POLB: variants seen among roughly 807,000 people sequenced by gnomAD.
The protein encoded by POLB is DNA polymerase beta.
In POLB, 37 loss-of-function variants were observed where a neutral mutation model predicts 52.7. The ratio of observed to expected loss-of-function variants is 0.70; its 90% CI spans 0.54 to 0.92. POLB has a LOEUF of 0.92. Among genes scored for constraint, POLB ranks in the 40% least tolerant of loss-of-function variants. The pLI, the probability that POLB is intolerant of heterozygous loss-of-function variation, is 0.00. For synonymous variants in POLB, 138 were observed against 131.3 expected, an observed-to-expected ratio of 1.05 and a Z score of -0.35; for missense variants, 313 against 400.8, an observed-to-expected ratio of 0.78 and a Z score of 1.87.
In POLB at chr8:42,345,022, A is replaced by G; in HGVS notation, c.186+3A>G. 2 of 1,599,252 alleles carry G rather than the reference A, an allele frequency of 1.3e-6. No individual in the cohort carries two copies. The highest frequency in any genetic ancestry group is 8.6e-7 in the Non-Finnish European group (1 of 1,166,476). Reference sequence around the variant, plus strand: ...GTGGAGCTGAAGCTAAGAAATTGGTAAGTTTAGTTAGCATGTTGATCGAAG... The same window carrying G: ...GTGGAGCTGAAGCTAAGAAATTGGTGAGTTTAGTTAGCATGTTGATCGAAG... On this transcript the variant is annotated splice_donor_region_variant and intron_variant, in intron 3 of 13. Coordinates refer to ENST00000265421, the MANE Select transcript of POLB (RefSeq NM_002690.3).
chr8:42,355,290 G>A (rs575013034), intron 6 of POLB, among the ~76,000 whole-genome samples: 16 of 151,714 alleles, frequency 1.1e-4, no homozygotes, highest in Admixed American at 1.3e-4. Context: ...CGCCCGCCTC[G>A]GCCTCCCAAA....
chr8:42,348,910 C>A, intron 3 of POLB, 106 bp from the exon 4 acceptor site: 1 of 580,492 alleles, frequency 1.7e-6, no homozygotes. Flanking sequence ...CAAACCTTAT[C>A]ACATGGTATT....
intron 9 of POLB, among the ~76,000 whole-genome samples, chr8:42,358,759 G>T: frequency 6.6e-6 from 1 of 152,024 alleles, no homozygotes; most frequent in East Asian, 1.9e-4. Context: ...AAAGACCTGG[G>T]GTCTGAGGCC....
chr8:42,338,837 TG>T, intron 1 of POLB, 152 bp downstream of exon 1: 1 of 976,840 alleles, frequency 1.0e-6, no homozygotes, highest in Non-Finnish European at 1.6e-6. Flanking sequence ...CGCCCCTGGC[TG>T]GTTGTCAGTC....
chr8:42,341,867 C>G (rs1822224267), intron 2 of POLB: 1 of 596,640 alleles, frequency 1.7e-6, no homozygotes, highest in African/African-American at 1.9e-5. Context: ...ATGGTTCCAC[C>G]TCTTTTTAAC....
intron 9 of POLB, among the ~76,000 whole-genome samples, chr8:42,360,853 G>A (rs1823632222): frequency 6.6e-6 from 1 of 152,128 alleles, no homozygotes; most frequent in African/African-American, 2.4e-5. Flanking sequence ...AAAGTGCTGG[G>A]ATTACAGGCA....
At chr8:42,340,675 C>T (rs888535178) in intron 2 of POLB, among the ~76,000 whole-genome samples, 14 of 152,166 alleles carry the variant, frequency 9.2e-5, no homozygotes, top group Non-Finnish European at 1.8e-4. Context: ...GTCAGTGACT[C>T]CAAATCTGTG....
At chr8:42,368,534 T>C (rs1824181967) in intron 11 of POLB, among the ~76,000 whole-genome samples, 1 of 152,230 alleles carries the variant, frequency 6.6e-6, no homozygotes, top group African/African-American at 2.4e-5. Context: ...GCTTATATCT[T>C]GTTTTACATA....
intron 9 of POLB, among the ~76,000 whole-genome samples, chr8:42,359,355 C>T (rs1823529784): frequency 6.6e-6 from 1 of 151,378 alleles, no homozygotes. Flanking sequence ...AGAAAACTTC[C>T]TTATTTATTT....
intron 2 of POLB, among the ~76,000 whole-genome samples, chr8:42,343,369 T>TATATAC (rs761101423): frequency 5.5e-5 from 2 of 36,288 alleles, no homozygotes; most frequent in Admixed American, 6.8e-4. Flanking sequence ...TATATATATA[T>TATATAC]ACACAAAATT....
intron 3 of POLB, among the ~76,000 whole-genome samples, chr8:42,345,265 G>C (rs1822538829): frequency 6.6e-6 from 1 of 152,132 alleles, no homozygotes; most frequent in Admixed American, 6.5e-5. Flanking sequence ...CTTTCTCTCT[G>C]TTACAATATA....
intron 1 of POLB, 50 bp downstream of exon 1, chr8:42,338,735 T>G: frequency 6.6e-7 from 1 of 1,524,700 alleles, no homozygotes; most frequent in Non-Finnish European, 9.1e-7. Flanking sequence ...TTCCAGCCTC[T>G]TCCCCTGCCT....
chr8:42,349,155 C>A, intron 4 of POLB, 65 bp downstream of exon 4: 1 of 873,086 alleles, frequency 1.1e-6, no homozygotes, highest in Admixed American at 2.0e-5. Context: ...TATGTAGCGT[C>A]ATTGCAGGGT....
intron 13 of POLB, chr8:42,370,273 T>TG: frequency 4.2e-6 from 2 of 476,402 alleles, no homozygotes; most frequent in South Asian, 3.5e-5. Flanking sequence ...TTTTTTTTTT[T>TG]TTTTTTTTTT....
intron 6 of POLB, 148 bp downstream of exon 6, chr8:42,352,716 T>C: frequency 1.6e-6 from 1 of 608,586 alleles, no homozygotes; most frequent in Non-Finnish European, 3.0e-6. Flanking sequence ...GTACAGTAGA[T>C]ATAGGGTATA....
intron 7 of POLB, among the ~76,000 whole-genome samples, chr8:42,356,187 T>C (rs575443057): frequency 6.6e-6 from 1 of 152,340 alleles, no homozygotes; most frequent in South Asian, 2.1e-4. Context: ...TCAGTCCTAA[T>C]TACCTTTTGA....
rs1163249252 is a variant in POLB at position 42,363,527 on chromosome 8, CAAAAAAAAAAAA to C, written c.708+847_708+858del. ...TGGGTGACAGACCGAGACTCTGTCT[CAAAAAAAAAAAA>C]AAAAAAAAAAAAAAAAAGAATGGGT... On this transcript the variant is annotated intron_variant, in intron 11 of 13. Coordinates refer to ENST00000265421, the MANE Select transcript of POLB (RefSeq NM_002690.3). Among the ~76,000 whole-genome samples, 28 of 15,838 alleles carry C rather than the reference CAAAAAAAAAAAA, an allele frequency of 1.8e-3. 1 individual carries two copies. Among genetic ancestry groups the C allele is most frequent in the Middle Eastern group, 0.029 (1 of 34 alleles). The allele number at this position is 15,838 out of a possible 152,430, so 10.4% of individuals were successfully genotyped here. A position where few individuals can be genotyped will look rare whatever the true frequency, so the allele number is the denominator to read the frequency against.
At chr8:42,338,900 G>C (rs56143915) in intron 1 of POLB, 112 bp from the exon 2 acceptor site, 1 of 1,038,674 alleles carries the variant, frequency 9.6e-7, no homozygotes, top group Non-Finnish European at 1.5e-6. Context: ...CTGGCCCTTG[G>C]AGGAAACGGG....
At chr8:42,343,345 AATATATAT>A (rs1554531634) in intron 2 of POLB, among the ~76,000 whole-genome samples, 19 of 33,064 alleles carry the variant, frequency 5.7e-4, no homozygotes, top group African/African-American at 1.1e-3. Context: ...AAAAAAAAAA[AATATATAT>A]ATATATATAT....
Sources: gnomAD v4.1 joint callset for allele counts (sites outside exome capture counted in the v4.1 genomes callset) on GRCh38, gnomAD v4.1.1 for gene constraint, MANE v1.5 for transcripts, NCBI Gene and HGNC (gene_info 2026-07-23, HGNC 2026-07-21) for gene names.